Variants in ZFYVE9 observed in about 807,000 individuals in gnomAD.
ZFYVE9 encodes zinc finger FYVE domain-containing protein 9.
ZFYVE9 carries 43 observed loss-of-function variants against 126.7 expected under a neutral mutation model. That is an observed-to-expected ratio of 0.34 (90% CI 0.27 to 0.44). ZFYVE9 has a LOEUF of 0.44. Ranked by LOEUF, ZFYVE9 falls within the 20% of genes least tolerant of loss-of-function variation. ZFYVE9 has a pLI of 1.00. For missense variants in ZFYVE9, 1,476 were observed against 1,697.0 expected, an observed-to-expected ratio of 0.87 and a Z score of 2.29; for synonymous variants, 521 against 597.4, an observed-to-expected ratio of 0.87 and a Z score of 1.87.
intron 4 of ZFYVE9, among the ~76,000 whole-genome samples, chr1:52,256,511 G>A (rs1284642832): frequency 6.6e-6 from 1 of 152,084 alleles, no homozygotes; most frequent in Non-Finnish European, 1.5e-5. Flanking sequence ...TCAAGTAGCT[G>A]GGATTACAGG....
chr1:52,343,218 G>A (rs1357913253), intron 17 of ZFYVE9, among the ~76,000 whole-genome samples: 3 of 151,816 alleles, frequency 2.0e-5, no homozygotes, highest in African/African-American at 4.8e-5. Context: ...CACCGTGCCC[G>A]GCCGAGACAA....
At chr1:52,277,559 G>A (rs1376407878) in intron 8 of ZFYVE9, among the ~76,000 whole-genome samples, 1 of 152,026 alleles carries the variant, frequency 6.6e-6, no homozygotes, top group African/African-American at 2.4e-5. Context: ...TTTTAATAAT[G>A]GAGTAGATAT....
At chr1:52,216,219 A>G in intron 1 of ZFYVE9, 150 bp from the exon 2 acceptor site, 1 of 394,934 alleles carries the variant, frequency 2.5e-6, no homozygotes, top group Non-Finnish European at 4.5e-6. Context: ...GCTACCTTGT[A>G]TGCAAGCCAG....
intron 5 of ZFYVE9, among the ~76,000 whole-genome samples, chr1:52,264,328 CTA>C (rs1285572194): frequency 6.6e-6 from 1 of 152,162 alleles, no homozygotes; most frequent in African/African-American, 2.4e-5. Flanking sequence ...TTGAAGATAA[CTA>C]TTTTAGCATC....
At chr1:52,157,067 C>T (rs866355981) in intron 1 of ZFYVE9, among the ~76,000 whole-genome samples, 3 of 152,104 alleles carry the variant, frequency 2.0e-5, no homozygotes, top group South Asian at 2.1e-4. Context: ...CTCCTGACCT[C>T]GTGATCCGCC....
intron 10 of ZFYVE9, among the ~76,000 whole-genome samples, chr1:52,286,165 A>T (rs1645856766): frequency 6.6e-6 from 1 of 152,058 alleles, no homozygotes; most frequent in African/African-American, 2.4e-5. Flanking sequence ...TCAAAAAAAA[A>T]AAAAAACGTA....
At chr1:52,222,740 C>T (rs575367678) in intron 2 of ZFYVE9, among the ~76,000 whole-genome samples, 29 of 152,330 alleles carry the variant, frequency 1.9e-4, no homozygotes, top group African/African-American at 6.5e-4. Context: ...TAGCTTTCCT[C>T]GATTTCCTTC....
chr1:52,173,581 C>T (rs1195945688), intron 1 of ZFYVE9, among the ~76,000 whole-genome samples: 1 of 152,142 alleles, frequency 6.6e-6, no homozygotes, highest in Non-Finnish European at 1.5e-5. Flanking sequence ...GGAATGGTAC[C>T]AGTTCCTCCT....
rs1004719552 is a variant in ZFYVE9, at chr1:52,345,083, C to T, written c.4116+139C>T. The T allele has an allele frequency of 3.4e-6, 3 of 874,896 alleles. No individual in the cohort carries two copies. The African/African-American group carries it at 5.0e-5, about 15-fold the overall frequency. 54.2% of individuals were successfully genotyped at this position (874,896 alleles called of 1,614,324 possible). A position where few individuals can be genotyped will look rare whatever the true frequency, so the allele number is the denominator to read the frequency against. ...CTGGATATAGTGTTTTTGGCCCTCT[C>T]TTTAATAGTACTATACCCACATGTG... On this transcript the variant is annotated intron_variant, in intron 18 of 18. Transcript: ENST00000287727.
intron 1 of ZFYVE9, among the ~76,000 whole-genome samples, chr1:52,192,208 G>A (rs72893935): frequency 0.01 from 1,562 of 152,256 alleles, 26 homozygotes; most frequent in African/African-American, 0.035. Context: ...TTCAGAGATG[G>A]CAATCTATCC....
rs551779068 is a variant in ZFYVE9 at position 52,228,048 on chromosome 1, A to G, written c.-36-5123A>G. ...TTCTTGCTTTTGAATTTGACTGTTTAAACTCTTTTAAAATATTTTATTTAG... is the reference window on the plus strand; with the variant it reads ...TTCTTGCTTTTGAATTTGACTGTTTGAACTCTTTTAAAATATTTTATTTAG... On this transcript the variant is annotated intron_variant, in intron 2 of 18. Transcript: ENST00000287727. Among the ~76,000 whole-genome samples, 95 of 152,086 alleles carry G rather than the reference A, an allele frequency of 6.2e-4. 4 individuals are homozygous for G. The South Asian group carries it at 0.019, about 31-fold the overall frequency.
chr1:52,266,257 C>G (rs1645631477), intron 5 of ZFYVE9, among the ~76,000 whole-genome samples: 1 of 151,904 alleles, frequency 6.6e-6, no homozygotes, highest in African/African-American at 2.4e-5. Context: ...GCCACCACAC[C>G]TGGCTAATTT....
At chr1:52,247,209 A>G (rs1354053792) in intron 4 of ZFYVE9, among the ~76,000 whole-genome samples, 1 of 152,164 alleles carries the variant, frequency 6.6e-6, no homozygotes, top group African/African-American at 2.4e-5. Context: ...CTCAGTACCA[A>G]ATGTTATTAA....
At chr1:52,253,704 A>G in intron 4 of ZFYVE9, 1 of 1,604,830 alleles carries the variant, frequency 6.2e-7, no homozygotes, top group Non-Finnish European at 8.5e-7. Context: ...TTGGGTCACA[A>G]GCTGTTTGGT....
In ZFYVE9 at chr1:52,281,739, A is replaced by G. The variant is rs1328301718; in HGVS notation, c.2948A>G (p.Gln983Arg). ...CAGTCTGAGATAGTCATTCTTCTACAGTGTTTACCGGATGAAAAGTGTTTG... is the reference window on the plus strand; with the variant it reads ...CAGTCTGAGATAGTCATTCTTCTACGGTGTTTACCGGATGAAAAGTGTTTG... ...VGQSEIVILL[Q>R]CLPDEKCLPK... The change falls in exon 10 of 19, where the codon CAG becomes CGG. Residue 983 changes from glutamine (Q) to arginine (R), a missense_variant. Physicochemically the swap from Gln to Arg is conservative, Grantham distance 43 (BLOSUM62 1). Coordinates refer to ENST00000287727, the MANE Select transcript of ZFYVE9 (RefSeq NM_004799.4). The G allele has an allele frequency of 6.2e-7, 1 of 1,614,164 alleles. No individual in the cohort carries two copies. Among genetic ancestry groups the G allele is most frequent in the Non-Finnish European group, 8.5e-7 (1 of 1,180,028 alleles).
Position 52,346,529 on chromosome 1 carries a change from C to T in ZFYVE9, c.*308C>T. The T allele has an allele frequency of 2.4e-6, 1 of 411,198 alleles. No individual in the cohort carries two copies. The highest frequency in any genetic ancestry group is 6.1e-4 in the Middle Eastern group (1 of 1,632). 25.5% of individuals were successfully genotyped at this position (411,198 alleles called of 1,614,324 possible). On this transcript the variant is annotated 3_prime_UTR_variant, in exon 19 of 19. Transcript: ENST00000287727. ...CTGTTTAGACAAGAATTCCGCTCCTCTCTCAAGATTTACTTATGGTCATGT... is the reference window on the plus strand; with the variant it reads ...CTGTTTAGACAAGAATTCCGCTCCTTTCTCAAGATTTACTTATGGTCATGT...
intron 1 of ZFYVE9, chr1:52,180,380 G>A (rs1644686388): frequency 2.0e-6 from 3 of 1,534,906 alleles, no homozygotes; most frequent in Non-Finnish European, 2.7e-6. Context: ...TTGGTCCTCT[G>A]GTGTTTGGCG....
intron 1 of ZFYVE9, among the ~76,000 whole-genome samples, chr1:52,176,510 C>T (rs914867099): frequency 8.5e-5 from 13 of 152,198 alleles, no homozygotes; most frequent in Non-Finnish European, 1.9e-4. Context: ...AGAACCACTG[C>T]TCTCTTCAAA....
intron 4 of ZFYVE9, among the ~76,000 whole-genome samples, chr1:52,259,755 C>CCACTGCA (rs1282495984): frequency 6.6e-6 from 1 of 152,080 alleles, no homozygotes; most frequent in African/African-American, 2.4e-5. Context: ...TGAAATGGTG[C>CCACTGCA]CACTGCACTC....
Sources: allele counts gnomAD v4.1 joint callset (sites outside exome capture counted in the v4.1 genomes callset), GRCh38; gene constraint gnomAD v4.1.1; transcripts MANE v1.5; gene names NCBI Gene and HGNC (gene_info 2026-07-23, HGNC 2026-07-21).